The following INPP5A variants were observed in gnomAD, a reference collection of about 807,000 sequenced individuals.
INPP5A encodes inositol polyphosphate-5-phosphatase A, also known as 43 kDa inositol polyphosphate 5-phophatase.
INPP5A carries 14 observed loss-of-function variants against 65.2 expected under a neutral mutation model. The ratio of observed to expected loss-of-function variants is 0.21; its 90% CI spans 0.14 to 0.34. The LOEUF (loss-of-function observed/expected upper bound fraction) is 0.34, where lower values mean the gene tolerates loss of function less well. Ranked by LOEUF, INPP5A falls within the 10% of genes least tolerant of loss-of-function variation. The pLI, the probability that INPP5A is intolerant of heterozygous loss-of-function variation, is 1.00. For missense variants in INPP5A, 431 were observed against 545.6 expected, an observed-to-expected ratio of 0.79 and a Z score of 2.09; for synonymous variants, 207 against 208.3, an observed-to-expected ratio of 0.99 and a Z score of 0.05.
intron 2 of INPP5A, among the ~76,000 whole-genome samples, chr10:132,609,397 C>T (rs988198645): frequency 2.6e-5 from 4 of 151,996 alleles, no homozygotes; most frequent in East Asian, 1.9e-4. Context: ...GTGGCGGGGG[C>T]GGGTTTGCCT....
intron 2 of INPP5A, among the ~76,000 whole-genome samples, chr10:132,626,779 G>A (rs182329518): frequency 1.4e-4 from 22 of 152,356 alleles, no homozygotes; most frequent in Admixed American, 1.4e-3. Flanking sequence ...TCACAGCAGT[G>A]CAGGGGTTCC....
At chr10:132,680,183 A>G (rs2073023752) in intron 4 of INPP5A, among the ~76,000 whole-genome samples, 1 of 152,362 alleles carries the variant, frequency 6.6e-6, no homozygotes, top group Admixed American at 6.5e-5. Context: ...AATGGGAGAA[A>G]ATATTTGCAA....
In INPP5A at chr10:132,697,977, G is replaced by A. The variant is rs1845373270; in HGVS notation, c.474+58G>A. 1 of 1,162,630 alleles carries A rather than the reference G, an allele frequency of 8.6e-7. No homozygotes were observed. Among genetic ancestry groups the A allele is most frequent in the Non-Finnish European group, 1.3e-6 (1 of 778,496 alleles). The allele number at this position is 1,162,630 out of a possible 1,614,324, so 72.0% of individuals were successfully genotyped here. On this transcript the variant is annotated intron_variant, in intron 6 of 15. Transcript: ENST00000368594. The surrounding 1 kb of genome is among the most constrained non-coding windows in gnomAD (Gnocchi z 5.6). Reference sequence around the variant, plus strand: ...ACTTCTCAGAGTGAGCCAGTCAGAAGTGACATGGAACACGGAATTTTCGCA... The same window carrying A: ...ACTTCTCAGAGTGAGCCAGTCAGAAATGACATGGAACACGGAATTTTCGCA...
rs200818308 is a variant in INPP5A, at chr10:132,707,056, G to A, written c.475-1257G>A. ...CAAAGGGAGAGCCTCTGATCACTGCGCTCTCCGTGTTAGATAGAGGGAGCA... is the reference window on the plus strand; with the variant it reads ...CAAAGGGAGAGCCTCTGATCACTGCACTCTCCGTGTTAGATAGAGGGAGCA... On this transcript the variant is annotated intron_variant, in intron 6 of 15. Transcript: ENST00000368594. This position sits in a 1 kb window ranked among gnomAD's most constrained non-coding sequence, Gnocchi z 5.5. Among the ~76,000 whole-genome samples the A allele has an allele frequency of 4.6e-5, 7 of 152,224 alleles. No homozygotes were observed. Among genetic ancestry groups the A allele is most frequent in the East Asian group, 3.8e-4 (2 of 5,198 alleles).
At chr10:132,671,294 T>G (rs1460276470) in intron 4 of INPP5A, among the ~76,000 whole-genome samples, 1 of 149,366 alleles carries the variant, frequency 6.7e-6, no homozygotes, top group African/African-American at 2.5e-5. Flanking sequence ...AGTGGAGAGT[T>G]CAAACGTGGG....
At chr10:132,772,481 C>T (rs1376503686) in intron 12 of INPP5A, among the ~76,000 whole-genome samples, 2 of 129,566 alleles carry the variant, frequency 1.5e-5, no homozygotes, top group African/African-American at 5.9e-5. Flanking sequence ...GTGGGACAGA[C>T]ACTCAGCACT....
At chr10:132,750,240 T>A (rs1159512313) in intron 11 of INPP5A, among the ~76,000 whole-genome samples, 1 of 152,254 alleles carries the variant, frequency 6.6e-6, no homozygotes, top group Non-Finnish European at 1.5e-5. Context: ...CTCCTGTCGC[T>A]AGACTTGCTG....
At chr10:132,691,270 C>T (rs904897626) in intron 5 of INPP5A, among the ~76,000 whole-genome samples, 1 of 152,352 alleles carries the variant, frequency 6.6e-6, no homozygotes, top group African/African-American at 2.4e-5. Flanking sequence ...TTGTCACTGC[C>T]CCGTTACCTG....
At chr10:132,730,171 GCCCTGTCCTCAGC>G (rs939877477) in intron 9 of INPP5A, among the ~76,000 whole-genome samples, 2 of 152,228 alleles carry the variant, frequency 1.3e-5, no homozygotes, top group African/African-American at 4.8e-5. Flanking sequence ...GGGTCCACCT[GCCCTGTCCTCAGC>G]CCCTGCGGGG....
rs527468372 is a variant in INPP5A at position 132,563,335 on chromosome 10, G to C, written c.75+25164G>C. Among the ~76,000 whole-genome samples, 432 of 152,294 alleles carry C rather than the reference G, an allele frequency of 2.8e-3. 1 individual carries two copies. The highest frequency in any genetic ancestry group is 0.01 in the Middle Eastern group (3 of 294). ...TCTCCGGGGCCGAGCTCTGCTCTGG[G>C]GTGTGGATAGCACAGCGTCTGCCGG... On this transcript the variant is annotated intron_variant, in intron 1 of 15. Coordinates refer to ENST00000368594, the MANE Select transcript of INPP5A (RefSeq NM_005539.5).
chr10:132,608,049 C>A, intron 2 of INPP5A, 93 bp downstream of exon 2: 1 of 1,151,740 alleles, frequency 8.7e-7, no homozygotes, highest in South Asian at 1.2e-5. Context: ...TCTGGTGTGT[C>A]TATGGGGAGC....
At chr10:132,684,761 T>G (rs954921729) in intron 4 of INPP5A, among the ~76,000 whole-genome samples, 3 of 152,244 alleles carry the variant, frequency 2.0e-5, no homozygotes, top group Non-Finnish European at 4.4e-5. Flanking sequence ...GTCCTTAGCT[T>G]TGTTCTCAGA....
intron 1 of INPP5A, among the ~76,000 whole-genome samples, chr10:132,540,354 T>C (rs1012387653): frequency 1.3e-5 from 2 of 152,274 alleles, no homozygotes; most frequent in African/African-American, 4.8e-5. Context: ...TTCATTTTTC[T>C]TAAAGGCTAT....
rs1253556396 is a variant in INPP5A at position 132,707,114 on chromosome 10, C to T, written c.475-1199C>T. 5.3e-5 allele frequency among the ~76,000 whole-genome samples: 8 copies of T among 152,320 alleles called. No individual in the cohort carries two copies. Among genetic ancestry groups the T allele is most frequent in the South Asian group, 4.1e-4 (2 of 4,826 alleles). ...CTGGACCCTTTCTTCACGGGTGTTT[C>T]GTCCACAGTTAACTCCAGATTCCCA... On this transcript the variant is annotated intron_variant, in intron 6 of 15. Transcript: ENST00000368594. The surrounding 1 kb of genome is among the most constrained non-coding windows in gnomAD (Gnocchi z 5.5).
intron 9 of INPP5A, among the ~76,000 whole-genome samples, chr10:132,749,000 A>T (rs1362012735): frequency 6.6e-6 from 1 of 152,154 alleles, no homozygotes; most frequent in African/African-American, 2.4e-5. Flanking sequence ...TAACACCACA[A>T]AGCAGGCGTG....
At chr10:132,597,784 C>T (rs1289545713) in intron 1 of INPP5A, among the ~76,000 whole-genome samples, 1 of 150,750 alleles carries the variant, frequency 6.6e-6, no homozygotes, top group South Asian at 2.1e-4. Context: ...GCCTGTGGTG[C>T]GTGTTCCGGG....
chr10:132,568,514 T>C (rs113565688), intron 1 of INPP5A, among the ~76,000 whole-genome samples: 19,548 of 151,742 alleles, frequency 0.13, 1,305 homozygotes, highest in African/African-American at 0.14. Flanking sequence ...ATTGGGAGGC[T>C]GAGGTGGGTG....
intron 1 of INPP5A, among the ~76,000 whole-genome samples, chr10:132,607,351 T>C (rs1265731144): frequency 6.6e-6 from 1 of 152,248 alleles, no homozygotes; most frequent in Non-Finnish European, 1.5e-5. Context: ...AGGTTTTCTG[T>C]TGATGGCTCT....
chr10:132,578,210 T>TTGTGTC (rs1414075712), intron 1 of INPP5A, among the ~76,000 whole-genome samples: 1 of 152,190 alleles, frequency 6.6e-6, no homozygotes, highest in African/African-American at 2.4e-5. Context: ...CTCTCCTTTT[T>TTGTGTC]TGTGTCTGGT....
Sources: gnomAD v4.1 joint callset for allele counts (sites outside exome capture counted in the v4.1 genomes callset) on GRCh38, gnomAD v4.1.1 for gene constraint, Gnocchi (gnomAD v3.1) non-coding constraint, MANE v1.5 for transcripts, NCBI Gene and HGNC (gene_info 2026-07-23, HGNC 2026-07-21) for gene names.